Variants in INTS10 observed in about 807,000 individuals in gnomAD.
The protein encoded by INTS10 is chromosome 8 open reading frame 35.
In INTS10, 44 loss-of-function variants were observed where a neutral mutation model predicts 94.4. The ratio of observed to expected loss-of-function variants is 0.47; its 90% CI spans 0.37 to 0.60. The LOEUF is 0.60. Among genes scored for constraint, INTS10 ranks in the 20% least tolerant of loss-of-function variants. The pLI, the probability that INTS10 is intolerant of heterozygous loss-of-function variation, is 0.00. For missense variants in INTS10, 797 were observed against 868.7 expected, an observed-to-expected ratio of 0.92 and a Z score of 1.04; for synonymous variants, 341 against 320.7, an observed-to-expected ratio of 1.06 and a Z score of -0.68.
At chr8:19,838,916 C>T (rs1282742678) in intron 13 of INTS10, among the ~76,000 whole-genome samples, 4 of 151,772 alleles carry the variant, frequency 2.6e-5, no homozygotes, top group Non-Finnish European at 5.9e-5. Context: ...CTAAGAAATA[C>T]AAAAAATTAG....
At chr8:19,818,621 C>T (rs932316689) in intron 2 of INTS10, 1 of 439,704 alleles carries the variant, frequency 2.3e-6, no homozygotes, top group Non-Finnish European at 4.2e-6. Flanking sequence ...TCAAACACTA[C>T]TTGTTATAGA....
At chr8:19,832,770 C>T (rs963695141) in intron 11 of INTS10, among the ~76,000 whole-genome samples, 3 of 152,122 alleles carry the variant, frequency 2.0e-5, no homozygotes, top group African/African-American at 4.8e-5. Flanking sequence ...TGGAGATAGT[C>T]GATAATTCAC....
rs1000411547 is a variant in INTS10 at position 19,845,868 on chromosome 8, A to G, written c.1976+71A>G. On this transcript the variant is annotated intron_variant, in intron 16 of 16. Coordinates refer to ENST00000397977, the MANE Select transcript of INTS10 (RefSeq NM_018142.4). ...TGTGTCTTTGTATGAAGTATTTGTA[A>G]ATGTCTATACCTATCAAAAATTTAA... The G allele has an allele frequency of 2.9e-6, 3 of 1,049,932 alleles. No individual in the cohort carries two copies. In the African/African-American group the frequency reaches 4.7e-5, roughly 17 times the overall value. The allele number at this position is 1,049,932 out of a possible 1,614,324, so 65.0% of individuals were successfully genotyped here.
intron 13 of INTS10, among the ~76,000 whole-genome samples, chr8:19,837,888 T>C (rs1209249415): frequency 6.6e-6 from 1 of 151,364 alleles, no homozygotes; most frequent in African/African-American, 2.4e-5. Flanking sequence ...TGAACATAAA[T>C]TACCAGTATC....
In INTS10 at chr8:19,843,908, T is replaced by C. The variant is rs2068346872; in HGVS notation, c.1720-168T>C. 6.6e-6 allele frequency among the ~76,000 whole-genome samples: 1 copy of C among 152,270 alleles called. No individual in the cohort carries two copies. Among genetic ancestry groups the C allele is most frequent in the Non-Finnish European group, 1.5e-5 (1 of 68,046 alleles). On this transcript the variant is annotated intron_variant, in intron 14 of 16. Transcript: ENST00000397977. The surrounding 1 kb of genome is among the most constrained non-coding windows in gnomAD (Gnocchi z 4.7). ...GAATCCACCCTCCTTAGAAGGCAGC[T>C]GTGATGTTTACCAGCCATTTCGTTG...
rs2068284024 is a variant in INTS10 at position 19,843,263 on chromosome 8, T to C, written c.1719+336T>C. ...GGAATACAAATTGCGGTTAGGTTCA[T>C]GGAGGGATGATGAGTTTGTCATTGT... On this transcript the variant is annotated intron_variant, in intron 14 of 16. Coordinates refer to ENST00000397977, the MANE Select transcript of INTS10 (RefSeq NM_018142.4). This position sits in a 1 kb window ranked among gnomAD's most constrained non-coding sequence, Gnocchi z 4.7. Among the ~76,000 whole-genome samples the C allele has an allele frequency of 6.6e-6, 1 of 152,188 alleles. No homozygotes were observed. Among genetic ancestry groups the C allele is most frequent in the South Asian group, 2.1e-4 (1 of 4,832 alleles).
chr8:19,818,717 A>G (rs551785891), intron 2 of INTS10: 12 of 195,368 alleles, frequency 6.1e-5, no homozygotes, highest in Non-Finnish European at 1.2e-4. Flanking sequence ...TAATACATAA[A>G]TAAGGTTTTG....
At chr8:19,834,006 C>A (rs936378432) in intron 12 of INTS10, among the ~76,000 whole-genome samples, 1,363 of 109,102 alleles carry the variant, frequency 0.012, no homozygotes, top group African/African-American at 0.013. Flanking sequence ...GACTCTGTCT[C>A]AAAAAAAAAA....
At chr8:19,822,983 C>G (rs931219185) in intron 5 of INTS10, among the ~76,000 whole-genome samples, 6 of 151,008 alleles carry the variant, frequency 4.0e-5, no homozygotes, top group African/African-American at 1.5e-4. Flanking sequence ...AACTTCTAAA[C>G]TTTTGTTATG....
Position 19,846,501 on chromosome 8 carries a change from T to C in INTS10, c.1976+704T>C, listed in dbSNP as rs1261890859. On this transcript the variant is annotated intron_variant, in intron 16 of 16. Transcript: ENST00000397977. This position sits in a 1 kb window ranked among gnomAD's most constrained non-coding sequence, Gnocchi z 4.2. ...ATTGTGCTGGGTTAGAAAAATTCTT[T>C]AGGAAAAACTACAGACTTTTTATTT... 2.0e-5 allele frequency among the ~76,000 whole-genome samples: 3 copies of C among 152,132 alleles called. No homozygotes were observed. The highest frequency in any genetic ancestry group is 4.8e-5 in the African/African-American group (2 of 41,438).
chr8:19,846,429 A>G lies in INTS10; in HGVS notation c.1976+632A>G, dbSNP rs1362568310. Among the ~76,000 whole-genome samples, 2 of 53,002 alleles carry G rather than the reference A, an allele frequency of 3.8e-5. No homozygotes were observed. The highest frequency in any genetic ancestry group is 2.2e-4 in the African/African-American group (2 of 9,140). 34.8% of individuals were successfully genotyped at this position (53,002 alleles called of 152,430 possible). On this transcript the variant is annotated intron_variant, in intron 16 of 16. Coordinates refer to ENST00000397977, the MANE Select transcript of INTS10 (RefSeq NM_018142.4). This position sits in a 1 kb window ranked among gnomAD's most constrained non-coding sequence, Gnocchi z 4.2. ...GCCTGGGCAACAAGAGTGAAACTCC[A>G]TCTCAAAAAAAAAAACAAACAAACA...
intron 7 of INTS10, 68 bp from the exon 8 acceptor site, chr8:19,824,735 T>A: frequency 3.5e-6 from 4 of 1,131,002 alleles, no homozygotes; most frequent in Non-Finnish European, 5.1e-6. Flanking sequence ...CCACCAGAGC[T>A]TTTCTCTAGA....
intron 12 of INTS10, among the ~76,000 whole-genome samples, chr8:19,833,884 G>A (rs904973416): frequency 6.6e-6 from 1 of 152,014 alleles, no homozygotes; most frequent in Non-Finnish European, 1.5e-5. Context: ...GTGGGCACCT[G>A]TAATCCCAAC....
Position 19,825,106 on chromosome 8 carries a change from G to A in INTS10, c.1006+134G>A, listed in dbSNP as rs1281709362. 4 of 725,490 alleles carry A rather than the reference G, an allele frequency of 5.5e-6. No individual in the cohort carries two copies. The East Asian group carries it at 8.2e-5, about 15-fold the overall frequency. The allele number at this position is 725,490 out of a possible 1,614,324, so 44.9% of individuals were successfully genotyped here. ...AGTACCAGTCCTTTTTATAGTTGGC[G>A]ATTTAGTTTTGTTTAGTTTGGCTTA... On this transcript the variant is annotated intron_variant, in intron 8 of 16. Coordinates refer to ENST00000397977, the MANE Select transcript of INTS10 (RefSeq NM_018142.4).
chr8:19,850,241 G>C (rs1282053940), intron 16 of INTS10, among the ~76,000 whole-genome samples: 2 of 152,140 alleles, frequency 1.3e-5, no homozygotes, highest in Admixed American at 6.5e-5. Flanking sequence ...GCTCCAGTTT[G>C]AGGCTGCAGC....
intron 7 of INTS10, chr8:19,824,565 C>T (rs529864320): frequency 1.7e-5 from 7 of 404,802 alleles, no homozygotes; most frequent in African/African-American, 6.2e-5. Context: ...TGTGTTTGAA[C>T]GTCTCCTAGA....
In INTS10 at chr8:19,820,457, A is replaced by G; in HGVS notation, c.380A>G (p.Glu127Gly). ...KVTEQCFNTL[E>G]RSEMLLLLLR... ...ACGGAACAATGCTTCAACACGTTAG[A>G]ACGATCAGAAATGTTGCTTCTACTT... The change falls in exon 4 of 17, where the codon GAA becomes GGA. Residue 127 changes from glutamate to glycine, a missense_variant. Physicochemically the swap from Glu to Gly is moderately conservative, Grantham distance 98. Coordinates refer to ENST00000397977, the MANE Select transcript of INTS10 (RefSeq NM_018142.4). 1 of 1,613,416 alleles carries G rather than the reference A, an allele frequency of 6.2e-7. No homozygotes were observed. Among genetic ancestry groups the G allele is most frequent in the Non-Finnish European group, 8.5e-7 (1 of 1,179,428 alleles).
In INTS10 at chr8:19,849,230, C is replaced by A; in HGVS notation, c.1977-2419C>A. On this transcript the variant is annotated intron_variant, in intron 16 of 16. Transcript: ENST00000397977. This position sits in a 1 kb window ranked among gnomAD's most constrained non-coding sequence, Gnocchi z 4.6. ...CCTGTGCTTCAGCCCAGCATACAGACTGCTGACAGGTACCAAGTGGAATCA... is the reference window on the plus strand; with the variant it reads ...CCTGTGCTTCAGCCCAGCATACAGAATGCTGACAGGTACCAAGTGGAATCA... The A allele has an allele frequency of 7.8e-7, 1 of 1,288,630 alleles. No homozygotes were observed. The highest frequency in any genetic ancestry group is 1.0e-6 in the Non-Finnish European group (1 of 987,832). 79.8% of individuals were successfully genotyped at this position (1,288,630 alleles called of 1,614,324 possible). A position where few individuals can be genotyped will look rare whatever the true frequency, so the allele number is the denominator to read the frequency against.
chr8:19,837,306 G>T (rs535615507), intron 13 of INTS10, 146 bp downstream of exon 13: 1 of 629,746 alleles, frequency 1.6e-6, no homozygotes, highest in Non-Finnish European at 2.8e-6. Flanking sequence ...CCTGGGCAAT[G>T]TAGTGAGACC....
Sources: gnomAD v4.1 joint callset for allele counts (sites outside exome capture counted in the v4.1 genomes callset) on GRCh38, gnomAD v4.1.1 for gene constraint, Gnocchi (gnomAD v3.1) non-coding constraint, MANE v1.5 for transcripts, NCBI Gene and HGNC (gene_info 2026-07-23, HGNC 2026-07-21) for gene names.